FANCF: variants seen among roughly 807,000 people sequenced by gnomAD.
FANCF encodes FA complementation group F, also known as Fanconi anemia group F protein.
For synonymous variants in FANCF, 257 were observed against 205.9 expected (o/e 1.25, Z -2.13); for missense variants, 552 against 481.8 (o/e 1.15, Z -1.36).
At position 22,624,350 on chromosome 11, in the gene FANCF, G is replaced by T. The variant is rs750128615; in HGVS notation, c.*336C>A. On this transcript the variant is annotated 3_prime_UTR_variant, in exon 1 of 1. Coordinates refer to ENST00000327470, the MANE Select transcript of FANCF (RefSeq NM_022725.4). ...CCTAGAAAAATAAACCATACTAAAA[G>T]AAAAAGGGTATTTTGTTTGTCACTT... The T allele has an allele frequency of 6.2e-5, 22 of 353,138 alleles. No individual in the cohort carries two copies. Among genetic ancestry groups the T allele is most frequent in the Middle Eastern group, 8.1e-4 (1 of 1,228 alleles). The allele number at this position is 353,138 out of a possible 1,614,324, so 21.9% of individuals were successfully genotyped here.
rs1210851613 is a variant in FANCF, at chr11:22,624,049, A to G, written c.*637T>C. On this transcript the variant is annotated 3_prime_UTR_variant, in exon 1 of 1. Coordinates refer to ENST00000327470, the MANE Select transcript of FANCF (RefSeq NM_022725.4). The stretch of plus-strand genomic sequence containing the variant: ...GCATTAATTTAATATCCAAAGGCAT[A>G]TATTCGTATTTACTGTGCTTTAAAC... The G allele has an allele frequency of 1.3e-5, 3 of 231,302 alleles. No individual in the cohort carries two copies. The highest frequency in any genetic ancestry group is 8.5e-6 in the Non-Finnish European group (1 of 116,984). The allele number at this position is 231,302 out of a possible 1,614,324, so 14.3% of individuals were successfully genotyped here. A position where few individuals can be genotyped will look rare whatever the true frequency, so the allele number is the denominator to read the frequency against.
In FANCF at chr11:22,625,438, C is replaced by T. The variant is rs61752920; in HGVS notation, c.373G>A (p.Asp125Asn). The T allele has an allele frequency of 7.8e-3, 12,669 of 1,614,104 alleles. 57 individuals are homozygous for T. Among genetic ancestry groups the T allele is most frequent in the Non-Finnish European group, 9.8e-3 (11,578 of 1,179,992 alleles). ...LFPGPGVRDA[D>N]EETLQESLAR... Reference sequence around the variant, plus strand: ...AGGCTCTCTTGGAGTGTCTCCTCATCGGCGTCCCGGACGCCCGGGCCGGGA... The same window carrying T: ...AGGCTCTCTTGGAGTGTCTCCTCATTGGCGTCCCGGACGCCCGGGCCGGGA... The change falls in exon 1 of 1, where the codon GAT (aspartate) becomes AAT (asparagine). Residue 125 changes from aspartate (D) to asparagine (N), a missense_variant. Asp to Asn is a conservative substitution (Grantham distance 23). Transcript: ENST00000327470.
At position 22,623,899 on chromosome 11, in the gene FANCF, C is replaced by A. The variant is rs1175234519; in HGVS notation, c.*787G>T. On this transcript the variant is annotated 3_prime_UTR_variant, in exon 1 of 1. Coordinates refer to ENST00000327470, the MANE Select transcript of FANCF (RefSeq NM_022725.4). ...ATCCCAGCTACTTGGGAGGCTGAGT[C>A]AGAATTGCTTGATCCTGGGAGGCAG... 1 of 194,812 alleles carries A rather than the reference C, an allele frequency of 5.1e-6. No homozygotes were observed. The highest frequency in any genetic ancestry group is 1.1e-5 in the Non-Finnish European group (1 of 93,736). 12.1% of individuals were successfully genotyped at this position (194,812 alleles called of 1,614,324 possible).
Sources: allele counts gnomAD v4.1 joint callset, GRCh38; gene constraint gnomAD v4.1.1; transcripts MANE v1.5; gene names NCBI Gene and HGNC (gene_info 2026-07-23, HGNC 2026-07-21).